LRBA: variants seen among roughly 807,000 people sequenced by gnomAD.
LRBA encodes the protein lipopolysaccharide-responsive and beige-like anchor protein.
In LRBA, 176 loss-of-function variants were observed where a neutral mutation model predicts 330.0. The observed-to-expected ratio is 0.53, with a 90% CI of 0.47 to 0.60. The LOEUF (loss-of-function observed/expected upper bound fraction) is 0.60. LRBA is among the 20% of genes least tolerant of loss of function. The pLI, the probability that LRBA is intolerant of heterozygous loss-of-function variation, is 0.00. For synonymous variants in LRBA, 1,230 were observed against 1,193.0 expected, an observed-to-expected ratio of 1.03 and a Z score of -0.64; for missense variants, 3,259 against 3,444.8, an observed-to-expected ratio of 0.95 and a Z score of 1.35.
intron 38 of LRBA, among the ~76,000 whole-genome samples, chr4:150,593,047 T>G (rs2126475762): frequency 6.6e-6 from 1 of 152,300 alleles, no homozygotes; most frequent in Non-Finnish European, 1.5e-5. Context: ...AGTTCCTTAC[T>G]CTAAAATCAG....
chr4:150,679,118 A>G (rs1782830236), intron 37 of LRBA, among the ~76,000 whole-genome samples: 1 of 152,240 alleles, frequency 6.6e-6, no homozygotes, highest in African/African-American at 2.4e-5. Flanking sequence ...ATATTAAAAC[A>G]TCAGAAATTA....
chr4:150,893,111 T>C lies in LRBA; in HGVS notation c.2106A>G (p.Ala702=), dbSNP rs1729640820. ...TAGAGTTAGGGTGTTCTGACATTAATGCAACAAGCAGCTGTAGGACATCCA... is the reference window on the plus strand; with the variant it reads ...TAGAGTTAGGGTGTTCTGACATTAACGCAACAAGCAGCTGTAGGACATCCA... ...NLMDVLQLLV[A]LMSEHPNSMI... is the part of the protein sequence containing the mutation. The change falls in exon 17 of 57, where the codon GCA becomes GCG. Residue 702 remains alanine (A), a synonymous_variant. Transcript: ENST00000651943. The C allele has an allele frequency of 6.2e-7, 1 of 1,612,588 alleles. No individual in the cohort carries two copies. The highest frequency in any genetic ancestry group is 8.5e-7 in the Non-Finnish European group (1 of 1,179,094).
intron 5 of LRBA, among the ~76,000 whole-genome samples, chr4:150,919,574 T>C (rs761177297): frequency 5.3e-5 from 8 of 152,210 alleles, no homozygotes; most frequent in African/African-American, 1.7e-4. Context: ...GTTGCATTAA[T>C]GCAAAAATGA....
chr4:150,906,991 G>T (rs1026544201), intron 11 of LRBA, among the ~76,000 whole-genome samples: 1 of 151,502 alleles, frequency 6.6e-6, no homozygotes, highest in African/African-American at 2.4e-5. Context: ...CAACAAAATT[G>T]TAATTCTCCA....
chr4:150,618,600 A>G (rs1448162726), intron 37 of LRBA, among the ~76,000 whole-genome samples: 1 of 152,094 alleles, frequency 6.6e-6, no homozygotes, highest in Admixed American at 6.5e-5. Flanking sequence ...AATAATTTAT[A>G]TAAAAAATTA....
At chr4:150,460,648 A>C (rs1470810099) in intron 44 of LRBA, among the ~76,000 whole-genome samples, 1 of 151,820 alleles carries the variant, frequency 6.6e-6, no homozygotes, top group Non-Finnish European at 1.5e-5. Context: ...ATGTTGCAAG[A>C]TAGGAATCAG....
At chr4:150,886,134 T>G (rs915088336) in intron 17 of LRBA, among the ~76,000 whole-genome samples, 1 of 152,174 alleles carries the variant, frequency 6.6e-6, no homozygotes, top group African/African-American at 2.4e-5. Context: ...TCCCAAGTAC[T>G]CTGAAGACTA....
At chr4:150,344,388 T>G (rs528140813) in intron 48 of LRBA, among the ~76,000 whole-genome samples, 5 of 152,314 alleles carry the variant, frequency 3.3e-5, no homozygotes, top group African/African-American at 1.2e-4. Context: ...CATAACACAA[T>G]CCTCTACTTT....
At chr4:150,499,822 T>C (rs892788727) in intron 40 of LRBA, among the ~76,000 whole-genome samples, 1 of 152,130 alleles carries the variant, frequency 6.6e-6, no homozygotes, top group African/African-American at 2.4e-5. Context: ...TTCTTCTCAA[T>C]GCCAATTCTT....
chr4:150,525,494 A>ACAGATTAGGTCATCATT (rs1236791463), intron 40 of LRBA, among the ~76,000 whole-genome samples: 1 of 152,174 alleles, frequency 6.6e-6, no homozygotes, highest in Non-Finnish European at 1.5e-5. Flanking sequence ...TGCCTCTGAC[A>ACAGATTAGGTCATCATT]CAGATTAGGT....
At chr4:150,842,952 C>T (rs1749318092) in intron 28 of LRBA, among the ~76,000 whole-genome samples, 1 of 152,118 alleles carries the variant, frequency 6.6e-6, no homozygotes, top group Admixed American at 6.6e-5. Flanking sequence ...GATTCAAGTG[C>T]ATTACATTTA....
At chr4:150,879,684 T>C (rs2127039713) in intron 17 of LRBA, among the ~76,000 whole-genome samples, 1 of 152,298 alleles carries the variant, frequency 6.6e-6, no homozygotes, top group African/African-American at 2.4e-5. Context: ...GGATATAAAA[T>C]TGATGTATAA....
At chr4:150,760,563 A>G (rs957312715) in intron 35 of LRBA, among the ~76,000 whole-genome samples, 1 of 151,804 alleles carries the variant, frequency 6.6e-6, no homozygotes, top group African/African-American at 2.4e-5. Flanking sequence ...CAACACACAC[A>G]CACACACACA....
chr4:150,624,919 A>G (rs1173473915), intron 37 of LRBA, among the ~76,000 whole-genome samples: 1 of 152,194 alleles, frequency 6.6e-6, no homozygotes, highest in Non-Finnish European at 1.5e-5. Flanking sequence ...TAATTCAAAC[A>G]GATGATCCTG....
chr4:150,629,876 C>T (rs567970178), intron 37 of LRBA, among the ~76,000 whole-genome samples: 2 of 152,188 alleles, frequency 1.3e-5, no homozygotes, highest in Admixed American at 1.3e-4. Flanking sequence ...GAGGCTGAGG[C>T]AAGAGAATCA....
intron 40 of LRBA, among the ~76,000 whole-genome samples, chr4:150,521,023 A>C (rs897160278): frequency 2.0e-5 from 3 of 152,080 alleles, no homozygotes; most frequent in Admixed American, 2.0e-4. Context: ...TAATTTGTTC[A>C]TTTAATCTAA....
chr4:150,823,335 C>A (rs1300624927), intron 30 of LRBA, among the ~76,000 whole-genome samples: 1 of 151,958 alleles, frequency 6.6e-6, no homozygotes, highest in Non-Finnish European at 1.5e-5. Flanking sequence ...GGTTGAGTCC[C>A]TTATATATTC....
chr4:150,974,037 A>G (rs1739877636), intron 2 of LRBA, among the ~76,000 whole-genome samples: 1 of 152,222 alleles, frequency 6.6e-6, no homozygotes, highest in Admixed American at 6.5e-5. Flanking sequence ...CGGTATGCAA[A>G]GTACTGCCAC....
intron 28 of LRBA, among the ~76,000 whole-genome samples, chr4:150,843,656 T>C (rs2126883190): frequency 6.6e-6 from 1 of 152,328 alleles, no homozygotes; most frequent in South Asian, 2.1e-4. Context: ...AAGTTGAACA[T>C]TTTATTACAT....
Sources: gnomAD v4.1 joint callset for allele counts (sites outside exome capture counted in the v4.1 genomes callset) on GRCh38, gnomAD v4.1.1 for gene constraint, MANE v1.5 for transcripts, NCBI Gene and HGNC (gene_info 2026-07-23, HGNC 2026-07-21) for gene names.